The following OR2AT4 variants were observed in gnomAD, a reference collection of about 807,000 sequenced individuals.
OR2AT4 encodes olfactory receptor 2AT4.
OR2AT4 carries 6 observed loss-of-function variants against 10.3 expected under a neutral mutation model. The ratio of observed to expected loss-of-function variants is 0.58; its 90% confidence interval spans 0.32 to 1.15. OR2AT4 has a LOEUF of 1.15. Among genes scored for constraint, OR2AT4 ranks in the 50% most tolerant of loss-of-function variants. The pLI is 0.05. For missense variants in OR2AT4, 354 were observed against 393.8 expected, an observed-to-expected ratio of 0.90 and a Z score of 0.85; for synonymous variants, 145 against 159.1, an observed-to-expected ratio of 0.91 and a Z score of 0.67.
chr11:75,090,540 C>A (rs1434417256), intron 1 of OR2AT4, among the ~76,000 whole-genome samples, 176 bp from the exon 2 acceptor site: 3 of 152,188 alleles, frequency 2.0e-5, no homozygotes, highest in East Asian at 3.8e-4. Flanking sequence ...CTAATAATCA[C>A]CAGCTCTTTT....
exon 2 of OR2AT4, chr11:75,089,554 C>A: frequency 6.2e-7 from 1 of 1,613,974 alleles, no homozygotes; most frequent in Non-Finnish European, 8.5e-7. Context: ...TCTGCCACCA[C>A]GGCCACCAGG....
exon 2 of OR2AT4, chr11:75,089,941 T>C: frequency 2.0e-6 from 1 of 509,188 alleles, no homozygotes; most frequent in South Asian, 3.9e-5. Context: ...GATTATTAAT[T>C]AATTAATAAC....
At chr11:75,092,348 A>G (rs1446654988) in intron 1 of OR2AT4, among the ~76,000 whole-genome samples, 1 of 152,220 alleles carries the variant, frequency 6.6e-6, no homozygotes, top group Non-Finnish European at 1.5e-5. Context: ...ACATCAGGAT[A>G]TATAACCAAG....
chr11:75,092,972 C>T (rs527382399), intron 1 of OR2AT4, among the ~76,000 whole-genome samples: 85 of 152,126 alleles, frequency 5.6e-4, no homozygotes, highest in African/African-American at 1.9e-3. Flanking sequence ...TGGTAGCACA[C>T]GCCTGTAATC....
chr11:75,096,667 A>G (rs777285499), intron 1 of OR2AT4, among the ~76,000 whole-genome samples, 161 bp downstream of exon 1: 2 of 152,104 alleles, frequency 1.3e-5, no homozygotes, highest in African/African-American at 2.4e-5. Context: ...TGTCTGGTCT[A>G]CACTCACCCA....
chr11:75,086,405 G>A (rs1421034258), exon 2 of OR2AT4: 3 of 152,282 alleles, frequency 2.0e-5, no homozygotes, highest in Non-Finnish European at 2.9e-5. Flanking sequence ...GCTAGTCATT[G>A]ACTGGGGAAA....
chr11:75,092,653 G>A (rs1949325602), intron 1 of OR2AT4, among the ~76,000 whole-genome samples: 1 of 151,976 alleles, frequency 6.6e-6, no homozygotes, highest in South Asian at 2.1e-4. Flanking sequence ...TCATCTAAAT[G>A]GCTTTTGTTA....
In OR2AT4 at chr11:75,089,486, G is replaced by A. The variant is rs766094191; in HGVS notation, c.228C>T (p.Ile76=). 5.0e-6 allele frequency: 8 copies of A among 1,614,092 alleles called. No individual in the cohort carries two copies. The African/African-American group carries it at 1.1e-4, about 22-fold the overall frequency. ...TGGGGACAGTGGTTGTGGTGAAAAG[G>A]ATGTCCAAGGTGGAGAGATTGATCA... The change falls in exon 2 of 2, where the codon ATC becomes ATT. Residue 76 remains isoleucine, a synonymous_variant. Transcript: ENST00000641504.
chr11:75,094,011 C>T (rs113728186), intron 1 of OR2AT4, among the ~76,000 whole-genome samples: 72 of 151,534 alleles, frequency 4.8e-4, no homozygotes, highest in African/African-American at 1.5e-3. Context: ...TTAGCAGAGA[C>T]GGGGTTTCAC....
chr11:75,096,717 A>G (rs1003472609), intron 1 of OR2AT4, 111 bp downstream of exon 1: 1 of 152,288 alleles, frequency 6.6e-6, no homozygotes, highest in Non-Finnish European at 1.5e-5. Context: ...GGACCCTGAC[A>G]TTCCCAGGAT....
At chr11:75,087,764 G>A (rs1309413366) in exon 2 of OR2AT4, 1 of 152,184 alleles carries the variant, frequency 6.6e-6, no homozygotes, top group Non-Finnish European at 1.5e-5. Flanking sequence ...AGGGTCAAGT[G>A]CTTCTGTTTA....
rs1949299170 is a variant in OR2AT4, at chr11:75,088,233, G to A, written c.*518C>T. Reference sequence around the variant, plus strand: ...TGTAATTTTGGTAGGTATTGCGGTAGTGTTATACCAGTTTGCATCCTCACA... The same window carrying A: ...TGTAATTTTGGTAGGTATTGCGGTAATGTTATACCAGTTTGCATCCTCACA... On this transcript the variant is annotated 3_prime_UTR_variant, in exon 2 of 2. Transcript: ENST00000641504. The A allele has an allele frequency of 2.0e-5, 3 of 152,508 alleles. No homozygotes were observed. The South Asian group carries it at 6.2e-4, about 32-fold the overall frequency. 9.4% of individuals were successfully genotyped at this position (152,508 alleles called of 1,614,324 possible). A position where few individuals can be genotyped will look rare whatever the true frequency, so the allele number is the denominator to read the frequency against.
chr11:75,090,663 G>T (rs150789623), intron 1 of OR2AT4, among the ~76,000 whole-genome samples: 1 of 152,258 alleles, frequency 6.6e-6, no homozygotes, highest in East Asian at 1.9e-4. Context: ...GTCAAAAAAG[G>T]CTTACAAAAC....
At chr11:75,091,856 T>C (rs186537272) in intron 1 of OR2AT4, among the ~76,000 whole-genome samples, 3 of 152,318 alleles carry the variant, frequency 2.0e-5, no homozygotes, top group Admixed American at 2.0e-4. Context: ...GTTTATTGAA[T>C]TGTATACATA....
At chr11:75,086,781 A>G (rs1445006040) in exon 2 of OR2AT4, 2 of 152,196 alleles carry the variant, frequency 1.3e-5, no homozygotes, top group African/African-American at 2.4e-5. Context: ...CTTGACAAAT[A>G]TATAACATGT....
chr11:75,088,897 G>C (rs1460721846), exon 2 of OR2AT4: 2 of 1,614,022 alleles, frequency 1.2e-6, no homozygotes, highest in Admixed American at 1.7e-5. Context: ...TGGAAGTCAA[G>C]GGGCAGGTCA....
At chr11:75,095,013 C>T (rs1363671839) in intron 1 of OR2AT4, among the ~76,000 whole-genome samples, 3 of 152,134 alleles carry the variant, frequency 2.0e-5, no homozygotes, top group Non-Finnish European at 2.9e-5. Flanking sequence ...TTGAATGCCA[C>T]CGAGTTAGGC....
At chr11:75,092,865 G>C (rs1949326645) in intron 1 of OR2AT4, among the ~76,000 whole-genome samples, 1 of 152,040 alleles carries the variant, frequency 6.6e-6, no homozygotes, top group Non-Finnish European at 1.5e-5. Context: ...ACTTTGGCAG[G>C]CTGAGGCGGG....
intron 1 of OR2AT4, among the ~76,000 whole-genome samples, chr11:75,095,823 G>A (rs1167374796): frequency 5.9e-5 from 9 of 151,918 alleles, no homozygotes; most frequent in East Asian, 1.9e-4. Flanking sequence ...GATTACAGGC[G>A]CTTGCCACCA....
Sources: allele counts gnomAD v4.1 joint callset (sites outside exome capture counted in the v4.1 genomes callset), GRCh38; gene constraint gnomAD v4.1.1; transcripts MANE v1.5; gene names NCBI Gene and HGNC (gene_info 2026-07-23, HGNC 2026-07-21).